The following JMJD1C variants were observed in gnomAD, a reference collection of about 807,000 sequenced individuals.
JMJD1C encodes jumonji domain-containing protein 1C.
Under a neutral mutation model 245.3 loss-of-function variants are expected in JMJD1C, and 31 were observed. The ratio of observed to expected loss-of-function variants is 0.13; its 90% CI spans 0.09 to 0.17. JMJD1C has a LOEUF of 0.17. JMJD1C is among the 10% of genes least tolerant of loss of function. The pLI is 1.00. For missense variants in JMJD1C, 2,691 were observed against 3,000.2 expected, an observed-to-expected ratio of 0.90 and a Z score of 2.41; for synonymous variants, 1,057 against 1,017.4, an observed-to-expected ratio of 1.04 and a Z score of -0.74.
Position 63,209,118 on chromosome 10 carries a change from T to C in JMJD1C, c.2812A>G (p.Ile938Val), listed in dbSNP as rs1488476441. 6.2e-7 allele frequency: 1 copy of C among 1,613,982 alleles called. No homozygotes were observed. The highest frequency in any genetic ancestry group is 8.5e-7 in the Non-Finnish European group (1 of 1,179,872). ...SSAEPHRPLK[I>V]TAHSSPPLTK... ...AATGGTGGACTGGAATGGGCTGTAA[T>C]TTTAAGAGGCCGATGAGGCTCTGCA... Residue 938 changes from isoleucine to valine, a missense_variant, in exon 9 of 26, where the codon ATT becomes GTT. Around this residue, in one of 9 missense-constraint regions of JMJD1C, gnomAD observed 1,562 missense variants for 1,490.7 expected, o/e 1.05. Transcript: ENST00000399262.
chr10:63,202,400 G>C, intron 10 of JMJD1C: 1 of 985,394 alleles, frequency 1.0e-6, no homozygotes, highest in Non-Finnish European at 1.2e-6. Context: ...CATGCTGAAA[G>C]AATAAAACTG....
At chr10:63,187,276 C>CA (rs1280486598) in intron 18 of JMJD1C, among the ~76,000 whole-genome samples, 1 of 152,098 alleles carries the variant, frequency 6.6e-6, no homozygotes, top group East Asian at 1.9e-4. Flanking sequence ...CTCTTGCTGG[C>CA]AATTCACAGA....
chr10:63,463,482 T>A (rs760958863), intron 1 of JMJD1C, among the ~76,000 whole-genome samples: 1 of 152,176 alleles, frequency 6.6e-6, no homozygotes, highest in South Asian at 2.1e-4. Context: ...TCATGTAACT[T>A]AAAATCTACT....
chr10:63,371,694 A>G (rs970818450), intron 2 of JMJD1C, among the ~76,000 whole-genome samples: 3 of 152,172 alleles, frequency 2.0e-5, no homozygotes, highest in Non-Finnish European at 4.4e-5. Context: ...ATACTTTCCA[A>G]AAGAATAATG....
chr10:63,379,143 T>C (rs959160487), intron 2 of JMJD1C, among the ~76,000 whole-genome samples: 2 of 152,012 alleles, frequency 1.3e-5, no homozygotes, highest in African/African-American at 2.4e-5. Context: ...TTAACTAAAA[T>C]AGAAAATTTA....
At chr10:63,355,119 T>C (rs974091524) in intron 2 of JMJD1C, among the ~76,000 whole-genome samples, 1 of 152,160 alleles carries the variant, frequency 6.6e-6, no homozygotes, top group African/African-American at 2.4e-5. Context: ...AGTGATTCTC[T>C]AATCTCTCTC....
At chr10:63,187,702 A>T (rs1435588470) in intron 18 of JMJD1C, among the ~76,000 whole-genome samples, 1 of 152,184 alleles carries the variant, frequency 6.6e-6, no homozygotes, top group Non-Finnish European at 1.5e-5. Context: ...TGGCCTCCCA[A>T]AATGTTGGGA....
chr10:63,262,177 T>C (rs2133756251), intron 3 of JMJD1C, among the ~76,000 whole-genome samples: 1 of 152,346 alleles, frequency 6.6e-6, no homozygotes, highest in Non-Finnish European at 1.5e-5. Flanking sequence ...ACAAAATTTA[T>C]GCCAGTAACA....
rs10822176 is a variant in JMJD1C, at chr10:63,500,756, G to A, written n.113+20982C>T. 8.0e-3 allele frequency among the ~76,000 whole-genome samples: 468 copies of A among 58,192 alleles called. 1 individual carries two copies. Among genetic ancestry groups the A allele is most frequent in the Middle Eastern group, 0.029 (3 of 104 alleles). 38.2% of individuals were successfully genotyped at this position (58,192 alleles called of 152,430 possible). On this transcript the variant is annotated intron_variant and non_coding_transcript_variant, in intron 1 of 3. Transcript: ENST00000633035. ...GGATGGATGGATGGAAGGATGGATG[G>A]ATGGATGGATGGATGGATGGATGGA...
intron 1 of JMJD1C, among the ~76,000 whole-genome samples, chr10:63,464,639 T>C (rs1217199276): frequency 4.0e-5 from 6 of 151,554 alleles, no homozygotes; most frequent in Non-Finnish European, 7.4e-5. Flanking sequence ...TACAGCTCAA[T>C]ATCATGCACA....
At chr10:63,309,409 G>A (rs1166795665) in intron 2 of JMJD1C, among the ~76,000 whole-genome samples, 4 of 140,640 alleles carry the variant, frequency 2.8e-5, no homozygotes, top group South Asian at 2.3e-4. Context: ...CAGGGGAATC[G>A]CTTGAACCGG....
At chr10:63,340,205 A>T (rs1202582521) in intron 2 of JMJD1C, among the ~76,000 whole-genome samples, 1 of 152,224 alleles carries the variant, frequency 6.6e-6, no homozygotes, top group Non-Finnish European at 1.5e-5. Context: ...ATGCAGGCAT[A>T]CAAACACACA....
chr10:63,231,964 A>C (rs1447299393), intron 3 of JMJD1C, among the ~76,000 whole-genome samples: 1 of 151,970 alleles, frequency 6.6e-6, no homozygotes, highest in Non-Finnish European at 1.5e-5. Context: ...CAGCCTCCTG[A>C]GTAGCTGGGA....
chr10:63,405,320 T>A (rs1279338588), intron 1 of JMJD1C, among the ~76,000 whole-genome samples: 2 of 5,686 alleles, frequency 3.5e-4, no homozygotes, highest in Non-Finnish European at 1.0e-3. Context: ...ATGTAGATTT[T>A]TTTTTTTTTT....
At chr10:63,490,704 G>A (rs937935956) in intron 1 of JMJD1C, among the ~76,000 whole-genome samples, 5 of 152,146 alleles carry the variant, frequency 3.3e-5, no homozygotes, top group African/African-American at 9.6e-5. Context: ...GTGAGCCACC[G>A]CACCCAGCCT....
chr10:63,179,349 C>T (rs1448483900), intron 22 of JMJD1C, among the ~76,000 whole-genome samples: 1 of 150,858 alleles, frequency 6.6e-6, no homozygotes, highest in Non-Finnish European at 1.5e-5. Context: ...GTGGAGGTTA[C>T]GGTGAGCCAA....
intron 2 of JMJD1C, among the ~76,000 whole-genome samples, chr10:63,321,970 G>T (rs1336477856): frequency 2.0e-5 from 3 of 152,180 alleles, no homozygotes; most frequent in African/African-American, 7.2e-5. Flanking sequence ...TGCTGAAGCT[G>T]ACCTTGGGTG....
At chr10:63,203,657 C>T (rs963646251) in intron 10 of JMJD1C, 11 of 980,632 alleles carry the variant, frequency 1.1e-5, no homozygotes, top group African/African-American at 1.8e-5. Context: ...GGAGAAAAAG[C>T]GGCTGACTTT....
At chr10:63,238,189 A>AAAAATAG (rs1554850613) in intron 3 of JMJD1C, among the ~76,000 whole-genome samples, 28,643 of 135,702 alleles carry the variant, frequency 0.21, 4,188 homozygotes, top group Non-Finnish European at 0.3. Context: ...TCAAAAAAAA[A>AAAAATAG]AAAAAAGAAA....
Sources: gnomAD v4.1 joint callset for allele counts (sites outside exome capture counted in the v4.1 genomes callset) on GRCh38, gnomAD v4.1.1 for gene constraint, gnomAD v4.1.1 regional missense constraint, MANE v1.5 for transcripts, NCBI Gene and HGNC (gene_info 2026-07-23, HGNC 2026-07-21) for gene names.